Variants in HEMK2 observed in about 807,000 individuals in gnomAD.
HEMK2 encodes HemK methyltransferase 2, ETF1 glutamine and histone H4 lysine, also known as methyltransferase HEMK2.
chr21:28,731,674 T>C, the HEMK2 span, among the ~76,000 whole-genome samples: 7 of 151,122 alleles, frequency 4.6e-5, no homozygotes, highest in African/African-American at 1.7e-4. Flanking sequence ...AGTTAATGGG[T>C]GCCGCACACC....
At chr21:28,863,759 G>T in the HEMK2 span, among the ~76,000 whole-genome samples, 1 of 152,026 alleles carries the variant, frequency 6.6e-6, no homozygotes, top group Non-Finnish European at 1.5e-5. Context: ...TATCAGGACC[G>T]TAGAAACTGT....
the HEMK2 span, among the ~76,000 whole-genome samples, chr21:28,663,204 G>T: frequency 4.6e-5 from 7 of 152,192 alleles, no homozygotes; most frequent in South Asian, 2.1e-4. Flanking sequence ...AAAGAGAAAT[G>T]AGAAAGTGCA....
chr21:28,778,878 T>C, the HEMK2 span, among the ~76,000 whole-genome samples: 1 of 152,224 alleles, frequency 6.6e-6, no homozygotes, highest in African/African-American at 2.4e-5. Context: ...CCAGTCTATA[T>C]ATTATATTTC....
chr21:28,834,087 A>G, the HEMK2 span, among the ~76,000 whole-genome samples: 1 of 152,340 alleles, frequency 6.6e-6, no homozygotes, highest in African/African-American at 2.4e-5. Flanking sequence ...TGGAGCTTCA[A>G]TGGCACAAGT....
chr21:28,864,129 C>A, the HEMK2 span, among the ~76,000 whole-genome samples: 6 of 152,126 alleles, frequency 3.9e-5, no homozygotes, highest in African/African-American at 9.7e-5. Flanking sequence ...CTGTGCCTGG[C>A]CCCCAGAAAC....
chr21:28,711,122 A>G, the HEMK2 span, among the ~76,000 whole-genome samples: 167 of 152,292 alleles, frequency 1.1e-3, no homozygotes, highest in African/African-American at 3.4e-3. Context: ...AACTCTAAGT[A>G]CTTTTAATTA....
the HEMK2 span, among the ~76,000 whole-genome samples, chr21:28,800,740 A>G: frequency 1.3e-5 from 2 of 152,344 alleles, no homozygotes; most frequent in South Asian, 2.1e-4. Flanking sequence ...TTTTCAACAT[A>G]TAGAGAAATA....
chr21:28,877,488 AAG>A, the HEMK2 span, among the ~76,000 whole-genome samples: 1 of 151,450 alleles, frequency 6.6e-6, no homozygotes, highest in South Asian at 2.1e-4. Flanking sequence ...GAGAAAGAGA[AAG>A]AAAAAGAGAC....
chr21:28,781,483 G>C, the HEMK2 span, among the ~76,000 whole-genome samples: 2 of 258 alleles, frequency 7.8e-3, no homozygotes, highest in African/African-American at 0.031. Context: ...AATCTTGAAG[G>C]ATTTCACAGA....
the HEMK2 span, among the ~76,000 whole-genome samples, chr21:28,706,028 G>A: frequency 6.6e-6 from 1 of 152,086 alleles, no homozygotes; most frequent in African/African-American, 2.4e-5. Flanking sequence ...AGTCATTTTT[G>A]CCTTGTAAGG....
the HEMK2 span, among the ~76,000 whole-genome samples, chr21:28,676,610 G>A: frequency 6.6e-6 from 1 of 152,158 alleles, no homozygotes; most frequent in South Asian, 2.1e-4. Flanking sequence ...GCATGCACTG[G>A]GGTGTAGCCA....
chr21:28,700,759 T>C, the HEMK2 span, among the ~76,000 whole-genome samples: 5 of 151,928 alleles, frequency 3.3e-5, no homozygotes, highest in African/African-American at 1.2e-4. Flanking sequence ...TTTCAGAAAA[T>C]TGAGGAGGAG....
At chr21:28,826,874 CA>C in the HEMK2 span, among the ~76,000 whole-genome samples, 2 of 152,134 alleles carry the variant, frequency 1.3e-5, no homozygotes, top group Non-Finnish European at 2.9e-5. Context: ...CTGGCATAAC[CA>C]GCATCTTCAA....
chr21:28,649,258 G>A, the HEMK2 span, among the ~76,000 whole-genome samples: 1 of 152,096 alleles, frequency 6.6e-6, no homozygotes, highest in Non-Finnish European at 1.5e-5. Flanking sequence ...AAAAGAGGAA[G>A]CTCATAAGTA....
the HEMK2 span, among the ~76,000 whole-genome samples, chr21:28,587,401 G>A: frequency 6.6e-6 from 1 of 152,056 alleles, no homozygotes. Flanking sequence ...TTAATTGGTT[G>A]GTTTTTAAAC....
At chr21:28,668,580 A>C in the HEMK2 span, among the ~76,000 whole-genome samples, 1 of 152,214 alleles carries the variant, frequency 6.6e-6, no homozygotes, top group African/African-American at 2.4e-5. Context: ...ATTGACCAAA[A>C]TAAATCACAT....
chr21:28,724,838 A>G, the HEMK2 span, among the ~76,000 whole-genome samples: 152,336 of 152,336 alleles, frequency 1, 76,168 homozygotes, highest in Non-Finnish European at 1. Flanking sequence ...CTGGAGTGCA[A>G]AGGCATGATC....
At chr21:28,768,932 A>C in the HEMK2 span, among the ~76,000 whole-genome samples, 1 of 152,044 alleles carries the variant, frequency 6.6e-6, no homozygotes, top group Non-Finnish European at 1.5e-5. Flanking sequence ...ATGTGAGGAC[A>C]CAGCAAGAAT....
the HEMK2 span, among the ~76,000 whole-genome samples, chr21:28,680,481 A>G: frequency 1.3e-5 from 2 of 152,228 alleles, no homozygotes. Context: ...TACAAGGAGG[A>G]GCTGGTACCA....
Sources: gnomAD v4.1 joint callset for allele counts (sites outside exome capture counted in the v4.1 genomes callset) on GRCh38, gnomAD v4.1.1 for gene constraint, MANE v1.5 for transcripts, NCBI Gene and HGNC (gene_info 2026-07-23, HGNC 2026-07-21) for gene names.